Variants in CDKL5 observed in about 807,000 individuals in gnomAD.
CDKL5 encodes the protein cyclin dependent kinase like 5.
A neutral mutation model predicts 61.7 loss-of-function variants in CDKL5; 8 were observed. The ratio of observed to expected loss-of-function variants is 0.13; its 90% CI spans 0.08 to 0.23. CDKL5 has a LOEUF of 0.23. Among genes scored for constraint, CDKL5 ranks in the 10% least tolerant of loss-of-function variants. CDKL5 has a pLI of 1.00. For synonymous variants in CDKL5, 275 were observed against 272.3 expected, an observed-to-expected ratio of 1.01 and a Z score of -0.10; for missense variants, 440 against 734.5, an observed-to-expected ratio of 0.60 and a Z score of 4.63.
At chrX:18,534,574 A>T (rs1313033752) in intron 3 of CDKL5, among the ~76,000 whole-genome samples, 1 of 112,062 alleles carries the variant, frequency 8.9e-6, no homozygotes, top group African/African-American at 3.2e-5. Flanking sequence ...CTAGCACAGT[A>T]CCTGGCACCT....
chrX:18,531,847 C>T (rs866575624), intron 3 of CDKL5, among the ~76,000 whole-genome samples: 1 of 108,093 alleles, frequency 9.3e-6, no homozygotes, highest in Non-Finnish European at 1.9e-5. Flanking sequence ...GCTGGGACTA[C>T]AGGCGCCTGC....
chrX:18,504,657 C>T (rs1039218189), intron 1 of CDKL5, among the ~76,000 whole-genome samples: 1 of 111,446 alleles, frequency 9.0e-6, no homozygotes, highest in Admixed American at 9.5e-5. Flanking sequence ...TTTGGCCGGG[C>T]GCGGTGGCTC....
downstream of CDKL5, chrX:18,644,437 T>C (rs1374999743): frequency 1.7e-6 from 2 of 1,209,353 alleles, no homozygotes; most frequent in Non-Finnish European, 2.2e-6. Context: ...TACCCGGTTG[T>C]TTCCAGTCTG....
At chrX:18,646,154 T>G (rs1052354702) in intron 20 of CDKL5, 99 of 1,199,102 alleles carry the variant, frequency 8.3e-5, no homozygotes, top group Non-Finnish European at 1.0e-4. Flanking sequence ...GAATGAAACT[T>G]TTTTTTTTCC....
At chrX:18,501,811 A>C (rs1922398875) in intron 1 of CDKL5, among the ~76,000 whole-genome samples, 1 of 112,027 alleles carries the variant, frequency 8.9e-6, no homozygotes, top group African/African-American at 3.2e-5. Context: ...GGCCTCCCAA[A>C]GTGCTGGGAT....
At chrX:18,488,142 G>T (rs1168668529) in intron 1 of CDKL5, among the ~76,000 whole-genome samples, 2 of 111,022 alleles carry the variant, frequency 1.8e-5, no homozygotes, top group Non-Finnish European at 3.8e-5. Flanking sequence ...ACAGTGAAAT[G>T]ATGAAACCTA....
chrX:18,532,281 G>T lies in CDKL5; in HGVS notation c.99+21427G>T, dbSNP rs186692553. Among the ~76,000 whole-genome samples the T allele has an allele frequency of 6.2e-3, 686 of 111,036 alleles. 10 individuals are homozygous for T. Among genetic ancestry groups the T allele is most frequent in the African/African-American group, 0.021 (657 of 30,649 alleles). Reference sequence around the variant, plus strand: ...AGAACAAAATATTTGGAAAACTTAAGAACTTTATGTAGTTCTTGCAAATGG... The same window carrying T: ...AGAACAAAATATTTGGAAAACTTAATAACTTTATGTAGTTCTTGCAAATGG... On this transcript the variant is annotated intron_variant, in intron 3 of 17. Transcript: ENST00000623535.
chrX:18,635,440 C>T lies in CDKL5; in HGVS notation c.*6683C>T, dbSNP rs1385780069. On this transcript the variant is annotated 3_prime_UTR_variant, in exon 18 of 18. Coordinates refer to ENST00000623535, the MANE Select transcript of CDKL5 (RefSeq NM_001323289.2). ...CCCAATCTTGAGCACTGTGGTCCTT[C>T]GTGTTTGAACTGCGAACAGCTCCAT... 14 of 752,147 alleles carry T rather than the reference C, an allele frequency of 1.9e-5. No homozygotes were observed. Among genetic ancestry groups the T allele is most frequent in the South Asian group, 1.4e-4 (2 of 14,657 alleles). The allele number at this position is 752,147 out of a possible 1,213,427, so 62.0% of individuals were successfully genotyped here.
chrX:18,589,958 T>C (rs1925774102), intron 9 of CDKL5: 1 of 112,530 alleles, frequency 8.9e-6, no homozygotes, highest in Non-Finnish European at 1.9e-5. Flanking sequence ...TCTGTTCATA[T>C]CCTTCACCCA....
rs104894934 is a variant in CDKL5, at chrX:18,647,192, C to G, written c.2797+1102C>G. 10 of 1,211,119 alleles carry G rather than the reference C, an allele frequency of 8.3e-6. No homozygotes were observed. The highest frequency in any genetic ancestry group is 1.1e-6 in the Non-Finnish European group (1 of 895,409). ...AAAAAATCCCCGGGCCCTGCTTACC[C>G]AAAGCCTTGACTGTTGAGCCGGGCC... On this transcript the variant is annotated intron_variant, in intron 20 of 21. Transcript: ENST00000379989.
chrX:18,533,579 T>C (rs1923720110), intron 3 of CDKL5, among the ~76,000 whole-genome samples: 1 of 112,244 alleles, frequency 8.9e-6, no homozygotes, highest in Admixed American at 9.4e-5. Flanking sequence ...CTATGTTCAG[T>C]AAATACATAT....
intron 1 of CDKL5, among the ~76,000 whole-genome samples, chrX:18,465,556 C>G (rs1364377223): frequency 2.7e-5 from 3 of 111,026 alleles, no homozygotes; most frequent in Non-Finnish European, 5.7e-5. Flanking sequence ...GTAATCCCAG[C>G]TACTCGGGAG....
intron 20 of CDKL5, among the ~76,000 whole-genome samples, chrX:18,647,029 G>A (rs777902350): frequency 2.1e-3 from 237 of 110,993 alleles, no homozygotes; most frequent in Non-Finnish European, 2.7e-3. Context: ...CAATTCTCCT[G>A]CCTCAGCCTC....
intron 3 of CDKL5, among the ~76,000 whole-genome samples, chrX:18,551,915 A>G (rs1413162942): frequency 9.1e-6 from 1 of 109,653 alleles, no homozygotes; most frequent in Non-Finnish European, 1.9e-5. Flanking sequence ...AGCATAGAAA[A>G]GCAGATCTAA....
chrX:18,447,989 C>T (rs770875838), intron 1 of CDKL5, among the ~76,000 whole-genome samples: 9 of 110,672 alleles, frequency 8.1e-5, no homozygotes, highest in Admixed American at 2.9e-4. Context: ...CTGGTTTAAG[C>T]GATCCAACTG....
chrX:18,564,741 A>C (rs905524057), intron 4 of CDKL5, among the ~76,000 whole-genome samples: 1 of 110,581 alleles, frequency 9.0e-6, no homozygotes, highest in Non-Finnish European at 1.9e-5. Context: ...TTCAAATCTC[A>C]TGATATTAGA....
chrX:18,477,899 T>G (rs1426520699), intron 1 of CDKL5, among the ~76,000 whole-genome samples: 2 of 112,330 alleles, frequency 1.8e-5, no homozygotes, highest in African/African-American at 6.5e-5. Context: ...TATTTACCAT[T>G]TCTGGTTTCC....
At chrX:18,484,262 G>C (rs943154375) in intron 1 of CDKL5, among the ~76,000 whole-genome samples, 2 of 111,984 alleles carry the variant, frequency 1.8e-5, no homozygotes, top group African/African-American at 6.5e-5. Context: ...ATAGAATGCA[G>C]TATTGTTTAC....
intron 3 of CDKL5, among the ~76,000 whole-genome samples, chrX:18,553,410 T>C (rs1924467935): frequency 9.2e-6 from 1 of 108,724 alleles, no homozygotes; most frequent in Non-Finnish European, 1.9e-5. Context: ...GAAAACAGAG[T>C]TGTTGTGTTG....
Sources: allele counts gnomAD v4.1 joint callset (sites outside exome capture counted in the v4.1 genomes callset), GRCh38; gene constraint gnomAD v4.1.1; transcripts MANE v1.5; gene names NCBI Gene and HGNC (gene_info 2026-07-23, HGNC 2026-07-21).